AFF3: variants seen among roughly 807,000 people sequenced by gnomAD.
AFF3 encodes the protein ALF transcription elongation factor 3.
Under a neutral mutation model 129.7 loss-of-function variants are expected in AFF3, and 32 were observed. The observed-to-expected ratio is 0.25, with a 90% CI of 0.19 to 0.33. AFF3 has a LOEUF of 0.33. Among genes scored for constraint, AFF3 ranks in the 10% least tolerant of loss-of-function variants. AFF3 has a pLI of 1.00. For synonymous variants in AFF3, 644 were observed against 635.4 expected, an observed-to-expected ratio of 1.01 and a Z score of -0.20; for missense variants, 1,373 against 1,592.0, an observed-to-expected ratio of 0.86 and a Z score of 2.34.
chr2:99,617,791 T>C (rs1475606460), intron 13 of AFF3, among the ~76,000 whole-genome samples: 1 of 152,190 alleles, frequency 6.6e-6, no homozygotes, highest in African/African-American at 2.4e-5. Flanking sequence ...CCTCTGAGCC[T>C]CACAACAAAC....
At chr2:100,119,716 G>A (rs1691873820) in intron 2 of AFF3, among the ~76,000 whole-genome samples, 4 of 152,192 alleles carry the variant, frequency 2.6e-5, no homozygotes, top group Admixed American at 2.6e-4. Flanking sequence ...AGAAAGTGTG[G>A]TTTACAGGGG....
chr2:99,856,228 TTTG>T (rs1396850767), intron 7 of AFF3, among the ~76,000 whole-genome samples: 1 of 152,060 alleles, frequency 6.6e-6, no homozygotes, highest in Admixed American at 6.5e-5. Context: ...TATTTGTTCC[TTTG>T]TTGTAATAAA....
chr2:99,964,632 G>A (rs1334008815), intron 7 of AFF3, among the ~76,000 whole-genome samples: 2 of 152,116 alleles, frequency 1.3e-5, no homozygotes, highest in African/African-American at 4.8e-5. Context: ...GGAATTTACA[G>A]TACTAAATGC....
chr2:99,688,270 A>T (rs79915040), intron 11 of AFF3, among the ~76,000 whole-genome samples: 5,447 of 152,282 alleles, frequency 0.036, 143 homozygotes, highest in Middle Eastern at 0.088. Context: ...CACTCTGTAC[A>T]TACAGCAAAG....
intron 8 of AFF3, among the ~76,000 whole-genome samples, chr2:99,803,256 G>C (rs1186759045): frequency 2.6e-5 from 4 of 152,084 alleles, no homozygotes; most frequent in Non-Finnish European, 5.9e-5. Context: ...TTATTGATTT[G>C]TGTATGACGA....
At chr2:99,612,786 G>T (rs1284631769) in intron 13 of AFF3, among the ~76,000 whole-genome samples, 1 of 152,208 alleles carries the variant, frequency 6.6e-6, no homozygotes, top group Non-Finnish European at 1.5e-5. Context: ...GAGCACCTCT[G>T]CCTCAGTCAT....
chr2:99,568,930 T>G lies in AFF3; in HGVS notation c.2919-15A>C. The G allele has an allele frequency of 3.1e-6, 5 of 1,612,942 alleles. No individual in the cohort carries two copies. In the African/African-American group the frequency reaches 5.3e-5, roughly 17 times the overall value. ...CACTGCGAGGCCTACAAGGAGAGAA[T>G]GATATTAAACGTCATTATGGCTTAA... On this transcript the variant is annotated splice_polypyrimidine_tract_variant and intron_variant, in intron 18 of 24. Coordinates refer to ENST00000672756, the MANE Select transcript of AFF3 (RefSeq NM_001386135.1).
At chr2:99,831,465 CGGA>C (rs1688513594) in intron 8 of AFF3, among the ~76,000 whole-genome samples, 1 of 152,090 alleles carries the variant, frequency 6.6e-6, no homozygotes, top group Admixed American at 6.6e-5. Flanking sequence ...ATTTCACTGT[CGGA>C]GAAGAACACT....
intron 19 of AFF3, among the ~76,000 whole-genome samples, chr2:99,567,870 C>A (rs1268374129): frequency 6.6e-6 from 1 of 152,208 alleles, no homozygotes; most frequent in Non-Finnish European, 1.5e-5. Flanking sequence ...CCTTAAAAAT[C>A]TGATGCTCTT....
intron 4 of AFF3, among the ~76,000 whole-genome samples, chr2:100,103,270 G>A (rs1437688586): frequency 6.6e-6 from 1 of 151,766 alleles, no homozygotes; most frequent in Non-Finnish European, 1.5e-5. Context: ...ATATTCATGT[G>A]CACACCACTT....
chr2:99,777,964 A>C (rs867479303), intron 8 of AFF3, among the ~76,000 whole-genome samples: 9 of 151,840 alleles, frequency 5.9e-5, no homozygotes, highest in South Asian at 2.1e-4. Flanking sequence ...AAAAAAAAAA[A>C]AAAAAAACAA....
Position 99,605,554 on chromosome 2 carries a change from G to A in AFF3, c.1185-3933C>T, listed in dbSNP as rs114263021. Among the ~76,000 whole-genome samples, 91 of 152,308 alleles carry A rather than the reference G, an allele frequency of 6.0e-4. 1 individual carries two copies. Among genetic ancestry groups the A allele is most frequent in the African/African-American group, 1.8e-3 (76 of 41,576 alleles). On this transcript the variant is annotated intron_variant, in intron 13 of 24. Coordinates refer to ENST00000672756, the MANE Select transcript of AFF3 (RefSeq NM_001386135.1). ...TCAGTGTAGTGACTGCTCCCACCAC[G>A]GGTGCTTGCAGCTGCTTTACCCATC...
intron 12 of AFF3, among the ~76,000 whole-genome samples, chr2:99,650,214 T>C (rs1685108396): frequency 6.6e-6 from 1 of 152,200 alleles, no homozygotes; most frequent in East Asian, 1.9e-4. Context: ...AAAATTCACA[T>C]TGAAATGTTA....
intron 8 of AFF3, among the ~76,000 whole-genome samples, chr2:99,819,370 C>T (rs191926063): frequency 1.3e-5 from 2 of 152,342 alleles, no homozygotes; most frequent in East Asian, 1.9e-4. Flanking sequence ...TACAATCTCA[C>T]AAATATTCTA....
chr2:99,768,786 T>C (rs546171407), intron 8 of AFF3, among the ~76,000 whole-genome samples: 3 of 152,358 alleles, frequency 2.0e-5, no homozygotes, highest in African/African-American at 7.2e-5. Flanking sequence ...GGTAAAAGTT[T>C]TTTTTCCTTT....
chr2:99,728,196 T>C (rs1679516387), intron 10 of AFF3, among the ~76,000 whole-genome samples: 1 of 152,324 alleles, frequency 6.6e-6, no homozygotes, highest in South Asian at 2.1e-4. Flanking sequence ...AGGAGTTTCT[T>C]TGTATTTCCT....
chr2:100,031,739 G>C (rs1007579020), intron 4 of AFF3, among the ~76,000 whole-genome samples: 3 of 152,234 alleles, frequency 2.0e-5, no homozygotes, highest in African/African-American at 7.2e-5. Flanking sequence ...TAAAGCCAGA[G>C]TAATTTGAGC....
chr2:99,624,203 C>G (rs980167768), intron 13 of AFF3, among the ~76,000 whole-genome samples: 3 of 152,090 alleles, frequency 2.0e-5, no homozygotes, highest in Non-Finnish European at 4.4e-5. Context: ...AGCTACCTAT[C>G]TGCTTGAATT....
chr2:99,584,391 T>G (rs887393850), intron 16 of AFF3, among the ~76,000 whole-genome samples: 2 of 152,150 alleles, frequency 1.3e-5, no homozygotes, highest in Non-Finnish European at 2.9e-5. Flanking sequence ...GAGAATCGCT[T>G]GGGAGAGGTG....
Sources: gnomAD v4.1 joint callset for allele counts (sites outside exome capture counted in the v4.1 genomes callset) on GRCh38, gnomAD v4.1.1 for gene constraint, MANE v1.5 for transcripts, NCBI Gene and HGNC (gene_info 2026-07-23, HGNC 2026-07-21) for gene names.